Variants in GRIK1 observed in about 807,000 individuals in gnomAD.
The protein encoded by GRIK1 is glutamate receptor ionotropic, kainate 1.
GRIK1 carries 69 observed loss-of-function variants against 105.7 expected under a neutral mutation model. That is an observed-to-expected ratio of 0.65 (90% CI 0.54 to 0.80). GRIK1 has a LOEUF of 0.80. GRIK1 is among the 30% of genes least tolerant of loss of function. The pLI is 0.00. For synonymous variants in GRIK1, 438 were observed against 431.3 expected, an observed-to-expected ratio of 1.02 and a Z score of -0.19; for missense variants, 1,109 against 1,167.3, an observed-to-expected ratio of 0.95 and a Z score of 0.73.
chr21:29,613,531 C>T (rs2061775090), intron 7 of GRIK1, among the ~76,000 whole-genome samples: 2 of 152,124 alleles, frequency 1.3e-5, no homozygotes, highest in African/African-American at 4.8e-5. Context: ...CAACTTCAAG[C>T]CAGTTATTAA....
Position 29,537,030 on chromosome 21 carries a change from A to T in GRIK1, c.*200T>A, listed in dbSNP as rs1423327091. Reference sequence around the variant, plus strand: ...AAATGCAAAATAATTGAGCATACAAATTTATTTTAAAAGAACTGGTGTCAC... The same window carrying T: ...AAATGCAAAATAATTGAGCATACAATTTTATTTTAAAAGAACTGGTGTCAC... On this transcript the variant is annotated 3_prime_UTR_variant, in exon 18 of 18. Coordinates refer to ENST00000327783, the MANE Select transcript of GRIK1 (RefSeq NM_001330994.2). 2.8e-6 allele frequency: 1 copy of T among 360,946 alleles called. No homozygotes were observed. The highest frequency in any genetic ancestry group is 5.0e-6 in the Non-Finnish European group (1 of 201,402). 22.4% of individuals were successfully genotyped at this position (360,946 alleles called of 1,614,324 possible).
intron 1 of GRIK1, among the ~76,000 whole-genome samples, chr21:29,849,785 TGAGAAAACTACCC>T (rs1290721848): frequency 2.0e-5 from 3 of 152,132 alleles, no homozygotes; most frequent in Non-Finnish European, 4.4e-5. Context: ...AAGTGCATGG[TGAGAAAACTACCC>T]CAGGATTCTG....
chr21:29,631,840 A>AAT (rs2062280990), intron 7 of GRIK1, among the ~76,000 whole-genome samples: 1 of 152,224 alleles, frequency 6.6e-6, no homozygotes, highest in Non-Finnish European at 1.5e-5. Context: ...TAAAAACTCT[A>AAT]ATATATATGC....
At chr21:29,890,546 C>G (rs186161467) in intron 1 of GRIK1, among the ~76,000 whole-genome samples, 1 of 152,188 alleles carries the variant, frequency 6.6e-6, no homozygotes, top group Admixed American at 6.5e-5. Flanking sequence ...ATTGTAAGTA[C>G]AGTTGTAGAT....
chr21:29,737,944 A>G (rs1601568081), intron 1 of GRIK1, among the ~76,000 whole-genome samples: 2 of 152,206 alleles, frequency 1.3e-5, no homozygotes, highest in East Asian at 1.9e-4. Context: ...TTTATACGCT[A>G]TTGATTTTTT....
intron 1 of GRIK1, among the ~76,000 whole-genome samples, chr21:29,747,234 T>C (rs182079647): frequency 4.5e-4 from 68 of 152,360 alleles, no homozygotes; most frequent in Non-Finnish European, 1.9e-4. Context: ...TCTCAACTGA[T>C]GTCTGCACAG....
chr21:29,905,619 ATTTTT>A lies in GRIK1; in HGVS notation c.118+33759_118+33763del, dbSNP rs869179451. 4.5e-3 allele frequency among the ~76,000 whole-genome samples: 325 copies of A among 72,576 alleles called. 1 individual carries two copies. Among genetic ancestry groups the A allele is most frequent in the African/African-American group, 0.018 (308 of 17,586 alleles). The allele number at this position is 72,576 out of a possible 152,430, so 47.6% of individuals were successfully genotyped here. A position where few individuals can be genotyped will look rare whatever the true frequency, so the allele number is the denominator to read the frequency against. On this transcript the variant is annotated intron_variant, in intron 1 of 17. Transcript: ENST00000327783. Reference sequence around the variant, plus strand: ...CACCATCATGCCCAGCAAATTTTGTATTTTTTTTTTTTTTTTTTTTTTTTTGAGAC... The same window carrying A: ...CACCATCATGCCCAGCAAATTTTGTATTTTTTTTTTTTTTTTTTTTGAGAC...
intron 1 of GRIK1, among the ~76,000 whole-genome samples, chr21:29,889,966 G>A (rs552999263): frequency 6.6e-6 from 1 of 151,880 alleles, no homozygotes; most frequent in South Asian, 2.1e-4. Flanking sequence ...CTGAAACACC[G>A]ATGCAACCCT....
At chr21:29,604,551 C>A (rs1225973252) in intron 7 of GRIK1, among the ~76,000 whole-genome samples, 1 of 152,100 alleles carries the variant, frequency 6.6e-6, no homozygotes, top group Admixed American at 6.5e-5. Context: ...ATCCATTTTT[C>A]TGGGACAGGG....
intron 1 of GRIK1, among the ~76,000 whole-genome samples, chr21:29,829,385 G>A (rs548618214): frequency 1.3e-5 from 2 of 152,230 alleles, no homozygotes; most frequent in Admixed American, 6.5e-5. Context: ...TCATAGTCAG[G>A]TGTAATATTT....
At chr21:29,877,037 A>G (rs550856525) in intron 1 of GRIK1, among the ~76,000 whole-genome samples, 10 of 152,300 alleles carry the variant, frequency 6.6e-5, no homozygotes, top group East Asian at 5.8e-4. Context: ...TATACTTTCA[A>G]CTATATTTAG....
In GRIK1 at chr21:29,591,117, T is replaced by A; in HGVS notation, c.1360A>T (p.Ile454Phe). ...ATTCCATGAAGTCAACTTACCAGAATGGTGGTGACAATGAGTGTTCTGTTG... is the reference window on the plus strand; with the variant it reads ...ATTCCATGAAGTCAACTTACCAGAAAGGTGGTGACAATGAGTGTTCTGTTG... ...LANRTLIVTT[I>F]LEEPYVMYRK... The change falls in exon 10 of 18, where the codon ATT (isoleucine) becomes TTT (phenylalanine). Residue 454 changes from isoleucine to phenylalanine, a missense_variant. Ile to Phe is a conservative substitution (Grantham distance 21). Transcript: ENST00000327783. The A allele has an allele frequency of 6.5e-7, 1 of 1,543,060 alleles. No homozygotes were observed. The highest frequency in any genetic ancestry group is 9.0e-7 in the Non-Finnish European group (1 of 1,115,038).
intron 1 of GRIK1, among the ~76,000 whole-genome samples, chr21:29,704,168 G>C (rs1303672601): frequency 6.6e-6 from 1 of 152,176 alleles, no homozygotes; most frequent in African/African-American, 2.4e-5. Flanking sequence ...TAATATCTAA[G>C]ACTATGCTAG....
In GRIK1 at chr21:29,694,016, A is replaced by G. The variant is rs2063639000; in HGVS notation, c.166T>C (p.Leu56=). 1 of 1,613,166 alleles carries G rather than the reference A, an allele frequency of 6.2e-7. No homozygotes were observed. Among genetic ancestry groups the G allele is most frequent in the Non-Finnish European group, 8.5e-7 (1 of 1,179,322 alleles). ...CTGGTGACTGCAAACTTGAAAGCTAATTCTTCAACATTAACAGGCTCATTT... is the reference window on the plus strand; with the variant it reads ...CTGGTGACTGCAAACTTGAAAGCTAGTTCTTCAACATTAACAGGCTCATTT... The part of the protein sequence containing the change: ...VENEPVNVEE[L]AFKFAVTSIN... Residue 56 remains leucine, a synonymous_variant, in exon 2 of 18, where the codon TTA becomes CTA. Transcript: ENST00000327783.
chr21:29,732,858 G>T (rs542375425), intron 1 of GRIK1, among the ~76,000 whole-genome samples: 3 of 152,188 alleles, frequency 2.0e-5, no homozygotes, highest in Non-Finnish European at 4.4e-5. Flanking sequence ...AGCCTCAGAA[G>T]ATCAAAATGG....
At chr21:29,695,470 A>T (rs1326552210) in intron 1 of GRIK1, among the ~76,000 whole-genome samples, 1 of 146,162 alleles carries the variant, frequency 6.8e-6, no homozygotes, top group South Asian at 2.2e-4. Flanking sequence ...CTATCTATCT[A>T]TCTATCTATA....
intron 1 of GRIK1, among the ~76,000 whole-genome samples, chr21:29,846,455 AAG>A (rs1251118465): frequency 1.4e-4 from 14 of 103,418 alleles, no homozygotes; most frequent in Non-Finnish European, 1.9e-4. Context: ...GAAAGAAGGA[AAG>A]AGAGAGAGAA....
intron 8 of GRIK1, 132 bp downstream of exon 8, chr21:29,598,698 A>AT: frequency 3.8e-6 from 2 of 530,798 alleles, no homozygotes. Flanking sequence ...AGAAAGAGAG[A>AT]TAAAAAACTG....
intron 1 of GRIK1, among the ~76,000 whole-genome samples, chr21:29,852,420 GTA>G (rs1223021924): frequency 2.6e-5 from 4 of 152,142 alleles, no homozygotes; most frequent in Non-Finnish European, 5.9e-5. Flanking sequence ...TAAAATCTAT[GTA>G]CTCTGCAGAC....
Sources: allele counts gnomAD v4.1 joint callset (sites outside exome capture counted in the v4.1 genomes callset), GRCh38; gene constraint gnomAD v4.1.1; transcripts MANE v1.5; gene names NCBI Gene and HGNC (gene_info 2026-07-23, HGNC 2026-07-21).